The following PPP1R12B variants were observed in gnomAD, a reference collection of about 807,000 sequenced individuals.
PPP1R12B encodes myosin phosphatase target subunit 2.
A neutral mutation model predicts 126.1 loss-of-function variants in PPP1R12B; 76 were observed. The ratio of observed to expected loss-of-function variants is 0.60; its 90% CI spans 0.50 to 0.73. PPP1R12B has a LOEUF of 0.73. PPP1R12B is among the 30% of genes least tolerant of loss of function. The pLI, the probability that PPP1R12B is intolerant of heterozygous loss-of-function variation, is 0.00. For missense variants in PPP1R12B, 1,052 were observed against 1,205.1 expected (o/e 0.87, Z 1.88); for synonymous variants, 356 against 434.7 (o/e 0.82, Z 2.25).
chr1:202,360,989 C>T (rs1392129631), intron 1 of PPP1R12B, among the ~76,000 whole-genome samples: 1 of 150,796 alleles, frequency 6.6e-6, no homozygotes, highest in Non-Finnish European at 1.5e-5. Context: ...CTTCTGGGTT[C>T]ATGCCATTCT....
intron 13 of PPP1R12B, among the ~76,000 whole-genome samples, chr1:202,478,033 CTGTATCTGTCTTCTTTGCA>C (rs1450618977): frequency 6.6e-6 from 1 of 152,168 alleles, no homozygotes; most frequent in Non-Finnish European, 1.5e-5. Context: ...TTTTGTGAGA[CTGTATCTGTCTTCTTTGCA>C]TAGCAATGAA....
intron 13 of PPP1R12B, among the ~76,000 whole-genome samples, chr1:202,475,887 G>A (rs1003936885): frequency 4.0e-5 from 6 of 151,716 alleles, no homozygotes; most frequent in South Asian, 2.1e-4. Flanking sequence ...AACTTTTGTC[G>A]ATGTAATCTT....
At chr1:202,498,688 A>G (rs759933803) in intron 18 of PPP1R12B, among the ~76,000 whole-genome samples, 22 of 152,228 alleles carry the variant, frequency 1.4e-4, no homozygotes, top group Non-Finnish European at 2.9e-4. Context: ...CAAGACAATC[A>G]GTAGTATCTT....
At chr1:202,470,174 T>C (rs766223193) in intron 13 of PPP1R12B, among the ~76,000 whole-genome samples, 52 of 152,224 alleles carry the variant, frequency 3.4e-4, no homozygotes, top group Non-Finnish European at 4.7e-4. Flanking sequence ...TTTTCCTGAT[T>C]GCCTACTTAC....
Position 202,449,103 on chromosome 1 carries a change from G to A in PPP1R12B, c.1782G>A (p.Gly594=), listed in dbSNP as rs1672618838. ...GCCCTCTTCCTAGCACTGCCAATGGGGTTACAGCTACTCCTGTGCTCTCCA... is the reference window on the plus strand; with the variant it reads ...GCCCTCTTCCTAGCACTGCCAATGGAGTTACAGCTACTCCTGTGCTCTCCA... ...TNRPLPSTAN[G]VTATPVLSIT... Residue 594 remains glycine (G), a synonymous_variant, in exon 13 of 24, where the codon GGG becomes GGA. Coordinates refer to ENST00000608999, the MANE Select transcript of PPP1R12B (RefSeq NM_002481.4). The A allele has an allele frequency of 1.2e-6, 2 of 1,613,636 alleles. No homozygotes were observed. The highest frequency in any genetic ancestry group is 2.7e-5 in the African/African-American group (2 of 74,858).
At chr1:202,512,356 A>G (rs1681625393) in intron 18 of PPP1R12B, among the ~76,000 whole-genome samples, 1 of 152,200 alleles carries the variant, frequency 6.6e-6, no homozygotes, top group African/African-American at 2.4e-5. Context: ...GAATGGAACA[A>G]TGTAAGAAAT....
chr1:202,553,656 G>A (rs529100817), intron 18 of PPP1R12B, among the ~76,000 whole-genome samples: 166 of 152,292 alleles, frequency 1.1e-3, no homozygotes, highest in African/African-American at 3.8e-3. Context: ...CCAGAGCATA[G>A]ATAAGATGAG....
At chr1:202,514,936 T>C (rs1681937035) in intron 18 of PPP1R12B, among the ~76,000 whole-genome samples, 2 of 152,196 alleles carry the variant, frequency 1.3e-5, no homozygotes, top group African/African-American at 4.8e-5. Flanking sequence ...ATGTGGTACA[T>C]ATACACCATA....
chr1:202,394,756 G>GA (rs1004711025), intron 1 of PPP1R12B, among the ~76,000 whole-genome samples: 14 of 140,896 alleles, frequency 9.9e-5, no homozygotes, highest in Non-Finnish European at 9.4e-5. Flanking sequence ...CTCTGTCTCA[G>GA]AAAAAAAAAG....
At chr1:202,466,382 A>T (rs1281898738) in intron 13 of PPP1R12B, among the ~76,000 whole-genome samples, 4 of 151,834 alleles carry the variant, frequency 2.6e-5, no homozygotes, top group African/African-American at 9.7e-5. Context: ...TTATTCTACC[A>T]TAACCTCTCT....
chr1:202,355,113 C>A (rs1656827104), intron 1 of PPP1R12B, among the ~76,000 whole-genome samples: 1 of 151,966 alleles, frequency 6.6e-6, no homozygotes, highest in East Asian at 1.9e-4. Flanking sequence ...CCATGTTGGC[C>A]AGGCTGGTCT....
chr1:202,361,047 C>A (rs959555504), intron 1 of PPP1R12B, among the ~76,000 whole-genome samples: 6 of 151,996 alleles, frequency 3.9e-5, no homozygotes, highest in Non-Finnish European at 8.8e-5. Context: ...CCCGCCACCA[C>A]ACCTGGCTAA....
At chr1:202,400,033 TC>T (rs1665598621) in intron 1 of PPP1R12B, among the ~76,000 whole-genome samples, 1 of 151,798 alleles carries the variant, frequency 6.6e-6, no homozygotes, top group African/African-American at 2.4e-5. Context: ...GCTCTAGTAG[TC>T]CCCAGTGTCT....
chr1:202,477,643 C>T (rs1676837814), intron 13 of PPP1R12B, among the ~76,000 whole-genome samples: 1 of 152,250 alleles, frequency 6.6e-6, no homozygotes, highest in Non-Finnish European at 1.5e-5. Flanking sequence ...AATCATGGCT[C>T]ACTGCAGCCT....
chr1:202,463,174 G>C, intron 13 of PPP1R12B: 1 of 711,458 alleles, frequency 1.4e-6, no homozygotes, highest in Non-Finnish European at 1.7e-6. Context: ...TGCATACTTT[G>C]ATTTGGTGGT....
rs541489890 is a variant in PPP1R12B at position 202,554,401 on chromosome 1, A to C, written c.2491-4476A>C. ...TTTTGAAATAATATTGTTTGTATTA[A>C]GGTAACTGTGTTACTCCTACTGCAT... On this transcript the variant is annotated intron_variant, in intron 18 of 23. Transcript: ENST00000608999. Among the ~76,000 whole-genome samples, 13 of 152,302 alleles carry C rather than the reference A, an allele frequency of 8.5e-5. No homozygotes were observed. In the South Asian group the frequency reaches 2.7e-3, roughly 32 times the overall value.
intron 1 of PPP1R12B, among the ~76,000 whole-genome samples, chr1:202,380,505 T>C (rs1307772895): frequency 6.6e-6 from 1 of 152,186 alleles, no homozygotes; most frequent in Non-Finnish European, 1.5e-5. Context: ...TTTGGGTTAT[T>C]GTATTTGTTT....
At chr1:202,424,793 T>G (rs1308182805) in intron 3 of PPP1R12B, among the ~76,000 whole-genome samples, 4 of 152,148 alleles carry the variant, frequency 2.6e-5, no homozygotes, top group Non-Finnish European at 5.9e-5. Context: ...AGTTATTGGC[T>G]AAAGGGAGGA....
intron 9 of PPP1R12B, 22 bp from the exon 10 acceptor site, chr1:202,437,799 C>T (rs1258143998): frequency 1.3e-6 from 2 of 1,569,408 alleles, no homozygotes; most frequent in Non-Finnish European, 8.6e-7. Flanking sequence ...TTTTTCATTT[C>T]TTTTATTTGC....
Sources: gnomAD v4.1 joint callset for allele counts (sites outside exome capture counted in the v4.1 genomes callset) on GRCh38, gnomAD v4.1.1 for gene constraint, MANE v1.5 for transcripts, NCBI Gene and HGNC (gene_info 2026-07-23, HGNC 2026-07-21) for gene names.